Variants in RANBP2 observed in about 807,000 individuals in gnomAD.
RANBP2 encodes E3 SUMO-protein ligase RanBP2.
In RANBP2, 57 loss-of-function variants were observed where a neutral mutation model predicts 303.6. That is an observed-to-expected ratio of 0.19 (90% confidence interval 0.15 to 0.23). RANBP2 has a LOEUF of 0.23. Among genes scored for constraint, RANBP2 ranks in the 10% least tolerant of loss-of-function variants. RANBP2 has a pLI of 1.00. For synonymous variants in RANBP2, 1,167 were observed against 1,301.5 expected (o/e 0.90, Z 2.23); for missense variants, 3,138 against 3,780.8 (o/e 0.83, Z 4.46).
chr2:109,147,085 G>A, the RANBP2 span, among the ~76,000 whole-genome samples: 1 of 151,928 alleles, frequency 6.6e-6, no homozygotes, highest in East Asian at 1.9e-4. Flanking sequence ...CTTCTTCCCT[G>A]TCTCGTTTTC....
At chr2:108,794,774 C>A in the RANBP2 span, 61 of 1,340,848 alleles carry the variant, frequency 4.5e-5, no homozygotes, top group Non-Finnish European at 6.2e-5. Context: ...TTCTAAGAAC[C>A]AAGCATTTAC....
the RANBP2 span, among the ~76,000 whole-genome samples, chr2:108,903,204 C>T: frequency 3.9e-5 from 6 of 152,092 alleles, no homozygotes; most frequent in Middle Eastern, 3.4e-3. Context: ...ACTTGTATTT[C>T]GGAAGCTACA....
chr2:109,273,224 G>A, the RANBP2 span, among the ~76,000 whole-genome samples: 10 of 152,202 alleles, frequency 6.6e-5, no homozygotes, highest in African/African-American at 2.2e-4. Context: ...TTGCACAGTC[G>A]TCTGTTCAGT....
chr2:108,876,143 C>A, the RANBP2 span: 2 of 1,609,536 alleles, frequency 1.2e-6, no homozygotes, highest in Non-Finnish European at 1.7e-6. Context: ...TCAAGAAATA[C>A]AAAGGACAAC....
At chr2:109,347,369 C>T in the RANBP2 span, among the ~76,000 whole-genome samples, 11 of 152,122 alleles carry the variant, frequency 7.2e-5, no homozygotes, top group Non-Finnish European at 1.3e-4. Context: ...TAAATGAAGA[C>T]AAGCCAGCAC....
the RANBP2 span, among the ~76,000 whole-genome samples, chr2:109,526,500 C>A: frequency 1.2e-4 from 18 of 152,036 alleles, no homozygotes; most frequent in Non-Finnish European, 2.2e-4. Flanking sequence ...TTAGTAGAGG[C>A]AGGGTTTTGC....
the RANBP2 span, among the ~76,000 whole-genome samples, chr2:109,408,508 G>T: frequency 6.6e-6 from 1 of 152,182 alleles, no homozygotes; most frequent in African/African-American, 2.4e-5. Context: ...AGAAAAACGG[G>T]GTCCCACACG....
the RANBP2 span, among the ~76,000 whole-genome samples, chr2:109,329,888 A>C: frequency 6.6e-6 from 1 of 152,222 alleles, no homozygotes; most frequent in Non-Finnish European, 1.5e-5. Flanking sequence ...AATGGTTTCC[A>C]AAAGTCTCTC....
the RANBP2 span, among the ~76,000 whole-genome samples, chr2:109,304,142 G>C: frequency 6.6e-6 from 1 of 151,630 alleles, no homozygotes; most frequent in East Asian, 1.9e-4. Context: ...GCAGTTTTAA[G>C]TAGACAGTAC....
chr2:109,553,630 ATCACCTGAGGTCAGGAGT>A, the RANBP2 span, among the ~76,000 whole-genome samples: 1 of 151,778 alleles, frequency 6.6e-6, no homozygotes, highest in Non-Finnish European at 1.5e-5. Flanking sequence ...AGGTGGGCAG[ATCACCTGAGGTCAGGAGT>A]TCAAGACCAG....
chr2:109,719,337 T>C, the RANBP2 span, among the ~76,000 whole-genome samples: 1 of 151,176 alleles, frequency 6.6e-6, no homozygotes, highest in Non-Finnish European at 1.5e-5. Flanking sequence ...CAGCCTCAGA[T>C]GATCCTCCCA....
chr2:108,808,488 A>G, the RANBP2 span, among the ~76,000 whole-genome samples: 1 of 152,122 alleles, frequency 6.6e-6, no homozygotes, highest in Non-Finnish European at 1.5e-5. Context: ...AACAATGTAA[A>G]AGAGTTTCCC....
the RANBP2 span, among the ~76,000 whole-genome samples, chr2:108,854,606 A>G: frequency 6.6e-6 from 1 of 152,200 alleles, no homozygotes; most frequent in Admixed American, 6.5e-5. Flanking sequence ...ATAAACTTCC[A>G]GAGACTTAGT....
At chr2:109,015,916 C>T in the RANBP2 span, among the ~76,000 whole-genome samples, 1 of 152,152 alleles carries the variant, frequency 6.6e-6, no homozygotes, top group African/African-American at 2.4e-5. Flanking sequence ...AAGTTAGACA[C>T]GGGTTTTCAG....
the RANBP2 span, among the ~76,000 whole-genome samples, chr2:109,253,477 G>C: frequency 6.6e-6 from 1 of 152,298 alleles, no homozygotes; most frequent in East Asian, 1.9e-4. Context: ...TTGCTGCCCA[G>C]CTCTCATGTT....
chr2:109,558,826 GCCAA>G, the RANBP2 span, among the ~76,000 whole-genome samples: 8 of 152,102 alleles, frequency 5.3e-5, no homozygotes, highest in Non-Finnish European at 8.8e-5. Flanking sequence ...GATTTTACAT[GCCAA>G]CCAAATTACA....
At chr2:109,609,643 A>T in the RANBP2 span, among the ~76,000 whole-genome samples, 1 of 152,008 alleles carries the variant, frequency 6.6e-6, no homozygotes, top group East Asian at 1.9e-4. Flanking sequence ...AAGATCAAGA[A>T]AGAATTAAGA....
chr2:109,285,784 G>C, the RANBP2 span, among the ~76,000 whole-genome samples: 2 of 152,228 alleles, frequency 1.3e-5, no homozygotes, highest in African/African-American at 4.8e-5. Context: ...CAGGGTGTGA[G>C]TCTGTGTGTT....
the RANBP2 span, among the ~76,000 whole-genome samples, chr2:108,807,931 G>A: frequency 2.0e-5 from 3 of 152,114 alleles, no homozygotes; most frequent in Non-Finnish European, 2.9e-5. Flanking sequence ...TTCTAATTTT[G>A]TGTTTGTTAG....
Sources: allele counts gnomAD v4.1 joint callset (sites outside exome capture counted in the v4.1 genomes callset), GRCh38; gene constraint gnomAD v4.1.1; transcripts MANE v1.5; gene names NCBI Gene and HGNC (gene_info 2026-07-23, HGNC 2026-07-21).